Variants in TTN observed in about 807,000 individuals in gnomAD.
The protein encoded by TTN is titin, also known as connectin.
TTN carries 1,525 observed loss-of-function variants against 3,223.0 expected under a neutral mutation model. The observed-to-expected ratio is 0.47, with a 90% CI of 0.45 to 0.49. The LOEUF is 0.49. Among genes scored for constraint, TTN ranks in the 20% least tolerant of loss-of-function variants. The pLI, the probability that TTN is intolerant of heterozygous loss-of-function variation, is 0.00. For missense variants in TTN, 40,786 were observed against 43,424.0 expected, an observed-to-expected ratio of 0.94 and a Z score of 5.40; for synonymous variants, 14,094 against 15,161.0, an observed-to-expected ratio of 0.93 and a Z score of 5.17.
At chr2:178,619,911 T>TACAA in intron 249 of TTN, 24 bp from the exon 250 acceptor site, 1 of 1,601,262 alleles carries the variant, frequency 6.2e-7, no homozygotes, top group Non-Finnish European at 8.5e-7. Context: ...GTGAAATAAA[T>TACAA]ACAAATATGT....
At position 178,681,683 on chromosome 2, in the gene TTN, T is replaced by G. The variant is rs745812902; in HGVS notation, c.33150A>C (p.Lys11050Asn). 4 of 1,605,202 alleles carry G rather than the reference T, an allele frequency of 2.5e-6. No homozygotes were observed. The highest frequency in any genetic ancestry group is 3.4e-6 in the Non-Finnish European group (4 of 1,177,656). The change falls in exon 136 of 363, where the codon AAA becomes AAC. Residue 11050 changes from lysine (K) to asparagine (N), a missense_variant. Lys to Asn is a moderately conservative substitution (Grantham distance 94). Transcript: ENST00000589042. ...TACCTTTAGCCGGTGGGGCCTTTGG[T>G]TTTGTGGGAACTGGTTCTTCTGGGA... ...KPVPEEPVPTKPKAPPAKVLK... is the reference protein window; with the variant it reads ...KPVPEEPVPTNPKAPPAKVLK...
Position 178,554,613 on chromosome 2 carries a change from G to A in TTN, c.88734C>T (p.Arg29578=), listed in dbSNP as rs749107962. 9.9e-6 allele frequency: 16 copies of A among 1,613,670 alleles called. No homozygotes were observed. Among genetic ancestry groups the A allele is most frequent in the African/African-American group, 8.0e-5 (6 of 74,874 alleles). Residue 29578 remains arginine (R), a synonymous_variant, in exon 332 of 363, where the codon CGC becomes CGT. Transcript: ENST00000589042. The stretch of plus-strand genomic sequence containing the variant: ...GTTCAGACACCATAGACCACACAAC[G>A]CGGCTTGTCTCACGCTTTTCCACAA... The part of the protein sequence containing the change: ...HYIVEKRETS[R]VVWSMVSEHL...
Position 178,577,188 on chromosome 2 carries a change from G to T in TTN, c.69147C>A (p.Ile23049=). Residue 23049 remains isoleucine, a synonymous_variant, in exon 324 of 363, where the codon ATC becomes ATA. Transcript: ENST00000589042. ...DVPGPPGPVE[I]SNVSAEKATL... is the part of the protein sequence containing the mutation. ...TTGCTTTTTCAGCAGAAACATTACT[G>T]ATTTCAACAGGACCTGGGGGACCAG... 6.2e-7 allele frequency: 1 copy of T among 1,612,906 alleles called. No individual in the cohort carries two copies. Among genetic ancestry groups the T allele is most frequent in the Non-Finnish European group, 8.5e-7 (1 of 1,179,438 alleles).
rs763666119 is a variant in TTN at position 178,770,472 on chromosome 2, C to G, written c.8320G>C (p.Glu2774Gln). The G allele has an allele frequency of 6.2e-7, 1 of 1,614,030 alleles. No individual in the cohort carries two copies. The highest frequency in any genetic ancestry group is 8.5e-7 in the Non-Finnish European group (1 of 1,180,018). Reference sequence around the variant, plus strand: ...CCAAGCCTGAAGCCATAAACAGACTCATCCACGATGGCACAGTTTTTAATC... The same window carrying G: ...CCAAGCCTGAAGCCATAAACAGACTGATCCACGATGGCACAGTTTTTAATC... ...LRIKNCAIVD[E>Q]SVYGFRLGRL... The change falls in exon 35 of 363, where the codon GAG (glutamate) becomes CAG (glutamine). Residue 2774 changes from glutamate (E) to glutamine (Q), a missense_variant. Physicochemically the swap from Glu to Gln is conservative, Grantham distance 29. Coordinates refer to ENST00000589042, the MANE Select transcript of TTN (RefSeq NM_001267550.2).
Position 178,531,630 on chromosome 2 carries a change from T to G in TTN, c.104985A>C (p.Gly34995=). ...SSKIHYTNTS[G]VLTLEILDCH... is the part of the protein sequence containing the mutation. ...AGTCCAGAATTTCCAGGGTGAGGAC[T>G]CCACTCGTGTTGGTGTAATGAATCT... Residue 34995 remains glycine (G), a synonymous_variant, in exon 358 of 363, where the codon GGA becomes GGC. Coordinates refer to ENST00000589042, the MANE Select transcript of TTN (RefSeq NM_001267550.2). 2 of 1,614,004 alleles carry G rather than the reference T, an allele frequency of 1.2e-6. No individual in the cohort carries two copies. Among genetic ancestry groups the G allele is most frequent in the Non-Finnish European group, 1.7e-6 (2 of 1,179,878 alleles).
intron 49 of TTN, among the ~76,000 whole-genome samples, chr2:178,736,749 A>G (rs2081512108): frequency 6.6e-6 from 1 of 152,194 alleles, no homozygotes. Flanking sequence ...TAATTTGAGT[A>G]AAGAAACTTC....
chr2:178,750,803 T>A, intron 47 of TTN: 1 of 1,613,208 alleles, frequency 6.2e-7, no homozygotes, highest in South Asian at 1.1e-5. Context: ...TTCAGGAGTC[T>A]CATATACTTC....
rs1256672495 is a variant in TTN at position 178,580,214 on chromosome 2, G to T, written c.67073C>A (p.Pro22358His). ...VVKVLDTPGP[P>H]VNVTVKEISK... ...TATTTCCTTAACAGTCACATTGACA[G>T]GTGGCCCAGGAGTATCTGGATAAAT... The change falls in exon 318 of 363, where the codon CCT becomes CAT. Residue 22358 changes from proline (P) to histidine (H), a missense_variant. Transcript: ENST00000589042. 8 of 1,612,716 alleles carry T rather than the reference G, an allele frequency of 5.0e-6. No homozygotes were observed. The highest frequency in any genetic ancestry group is 6.8e-6 in the Non-Finnish European group (8 of 1,179,398).
rs772843200 is a variant in TTN at position 178,584,275 on chromosome 2, C to T, written c.65275+1G>A. On this transcript the variant is annotated splice_donor_variant, in intron 311 of 362. Transcript: ENST00000589042. LOFTEE classifies it high-confidence loss of function. ...AACAATAAAAAAACCCCAAAACTTA[C>T]CAACTGGCATTCTTGCAGTTACATA... The T allele has an allele frequency of 6.5e-7, 1 of 1,547,152 alleles. No homozygotes were observed.
At position 178,538,798 on chromosome 2, in the gene TTN, A is replaced by T. The variant is rs78814506; in HGVS notation, c.99031T>A (p.Ser33011Thr). 544 of 1,611,826 alleles carry T rather than the reference A, an allele frequency of 3.4e-4. 10 individuals carry two copies. The East Asian group carries it at 6.7e-3, about 20-fold the overall frequency. The change falls in exon 354 of 363, where the codon TCC becomes ACC. Residue 33011 changes from serine to threonine, a missense_variant. Transcript: ENST00000589042. ...QPGELEILSISKDSVTLQWEK... is the reference protein window; with the variant it reads ...QPGELEILSITKDSVTLQWEK... ...CACTGTAGAGTGACACTATCTTTGGATATTGAAAGAATCTCAAGTTCTCCT... is the reference window on the plus strand; with the variant it reads ...CACTGTAGAGTGACACTATCTTTGGTTATTGAAAGAATCTCAAGTTCTCCT...
intron 117 of TTN, 47 bp from the exon 118 acceptor site, chr2:178,694,055 G>A (rs1560439659): frequency 7.0e-7 from 1 of 1,435,204 alleles, no homozygotes; most frequent in East Asian, 2.4e-5. Flanking sequence ...TTTAGTACAA[G>A]ACATCAGATC....
rs200716930 is a variant in TTN at position 178,532,706 on chromosome 2, G to A, written c.103909C>T (p.Arg34637Trp). 26 of 1,613,916 alleles carry A rather than the reference G, an allele frequency of 1.6e-5. No homozygotes were observed. The Admixed American group carries it at 2.3e-4, about 14-fold the overall frequency. ...TCATAATCAGGAGAAGGTGTACGCC[G>A]GCGGGCTGGTCTCACTATCTCAAGA... The part of the protein sequence containing the change: ...DDLEIVRPAR[R>W]RTPSPDYDFY... Residue 34637 changes from arginine to tryptophan, a missense_variant, in exon 358 of 363, where the codon CGG (arginine) becomes TGG (tryptophan). Physicochemically the swap from Arg to Trp is moderately radical, Grantham distance 101 (BLOSUM62 -3). Transcript: ENST00000589042.
intron 40 of TTN, among the ~76,000 whole-genome samples, chr2:178,767,005 G>C (rs891563631): frequency 6.6e-5 from 10 of 152,130 alleles, no homozygotes; most frequent in African/African-American, 2.2e-4. Flanking sequence ...TTGTGGGCTA[G>C]GTAGGAATTA....
chr2:178,698,722 A>T, intron 112 of TTN, 121 bp downstream of exon 112: 1 of 887,164 alleles, frequency 1.1e-6, no homozygotes, highest in Non-Finnish European at 1.7e-6. Context: ...AAGTGAGTGA[A>T]GGGAGAGGTA....
At position 178,715,785 on chromosome 2, in the gene TTN, A is replaced by G. The variant is rs1422518629; in HGVS notation, c.25640-11T>C. Reference sequence around the variant, plus strand: ...TGAACCTGGGTGGTTCTATGGAACCAAGAGGAAAAACACAGGGTAAGGGAT... The same window carrying G: ...TGAACCTGGGTGGTTCTATGGAACCGAGAGGAAAAACACAGGGTAAGGGAT... On this transcript the variant is annotated splice_polypyrimidine_tract_variant and intron_variant, in intron 88 of 362. Transcript: ENST00000589042. 2 of 1,566,998 alleles carry G rather than the reference A, an allele frequency of 1.3e-6. No homozygotes were observed. Among genetic ancestry groups the G allele is most frequent in the African/African-American group, 1.4e-5 (1 of 73,772 alleles).
Position 178,785,185 on chromosome 2 carries a change from T to C in TTN, c.2493+435A>G, listed in dbSNP as rs140341716. Among the ~76,000 whole-genome samples, 311 of 148,140 alleles carry C rather than the reference T, an allele frequency of 2.1e-3. 7 individuals carry two copies. In the South Asian group the frequency reaches 0.027, roughly 13 times the overall value. On this transcript the variant is annotated intron_variant, in intron 15 of 362. Coordinates refer to ENST00000589042, the MANE Select transcript of TTN (RefSeq NM_001267550.2). ...CACCTCTCCATCTTGCTATATTGAGTATATAAATATATGATTTCTCAATGT... is the reference window on the plus strand; with the variant it reads ...CACCTCTCCATCTTGCTATATTGAGCATATAAATATATGATTTCTCAATGT...
chr2:178,554,663 C>T lies in TTN; in HGVS notation c.88684G>A (p.Gly29562Ser), dbSNP rs760886476. ...ATGTAGTGAGTGATTTTTGCACCAC[C>T]ATCATCAGCTGGAGGCCGCCAGAGA... ...TLLWRPPADD[G>S]GAKITHYIVE... The change falls in exon 332 of 363, where the codon GGT becomes AGT. Residue 29562 changes from glycine (G) to serine (S), a missense_variant. Transcript: ENST00000589042. 10 of 1,613,920 alleles carry T rather than the reference C, an allele frequency of 6.2e-6. No homozygotes were observed. In the East Asian group the frequency reaches 2.2e-4, roughly 36 times the overall value.
chr2:178,663,625 A>G lies in TTN; in HGVS notation c.36532+2T>C. 1 of 1,613,740 alleles carries G rather than the reference A, an allele frequency of 6.2e-7. No homozygotes were observed. Among genetic ancestry groups the G allele is most frequent in the Non-Finnish European group, 8.5e-7 (1 of 1,179,760 alleles). On this transcript the variant is annotated splice_donor_variant, in intron 171 of 362. Coordinates refer to ENST00000589042, the MANE Select transcript of TTN (RefSeq NM_001267550.2). LOFTEE classifies it high-confidence loss of function. The stretch of plus-strand genomic sequence containing the variant: ...CTGAAGCCTAAAATCAGTGACAAAT[A>G]CCTTTAACAGGTGGGACTTCAGGCT...
intron 115 of TTN, 78 bp downstream of exon 115, chr2:178,695,270 G>T: frequency 8.6e-7 from 1 of 1,167,444 alleles, no homozygotes; most frequent in Non-Finnish European, 1.3e-6. Context: ...TTGAACTGCT[G>T]ATTTATACAT....
Sources: gnomAD v4.1 joint callset for allele counts (sites outside exome capture counted in the v4.1 genomes callset) on GRCh38, gnomAD v4.1.1 for gene constraint, MANE v1.5 for transcripts, NCBI Gene and HGNC (gene_info 2026-07-23, HGNC 2026-07-21) for gene names.